PHF3: variants seen among roughly 807,000 people sequenced by gnomAD.
The protein encoded by PHF3 is PHD finger protein 3.
Under a neutral mutation model 178.4 loss-of-function variants are expected in PHF3, and 41 were observed. The observed-to-expected ratio is 0.23, with a 90% CI of 0.18 to 0.30. The LOEUF is 0.30. PHF3 is among the 10% of genes least tolerant of loss of function. The pLI is 1.00. For missense variants in PHF3, 2,346 were observed against 2,398.1 expected, an observed-to-expected ratio of 0.98 and a Z score of 0.45; for synonymous variants, 842 against 800.5, an observed-to-expected ratio of 1.05 and a Z score of -0.88.
intron 2 of PHF3, among the ~76,000 whole-genome samples, chr6:63,657,718 C>T (rs1460149358): frequency 6.6e-6 from 1 of 152,096 alleles, no homozygotes; most frequent in African/African-American, 2.4e-5. Flanking sequence ...CAGTTCAAAC[C>T]CATGTTGTTC....
At chr6:63,645,164 C>T (rs1216993635) in intron 1 of PHF3, among the ~76,000 whole-genome samples, 1 of 152,064 alleles carries the variant, frequency 6.6e-6, no homozygotes, top group Admixed American at 6.5e-5. Context: ...AGGCATGAGC[C>T]ACTGGGCCTG....
intron 14 of PHF3, among the ~76,000 whole-genome samples, chr6:63,709,449 C>G (rs937828276): frequency 6.6e-6 from 1 of 151,726 alleles, no homozygotes; most frequent in Non-Finnish European, 1.5e-5. Context: ...TCCTGGGATG[C>G]TCTCTTTGTG....
chr6:63,666,490 C>G (rs1167261736), intron 2 of PHF3, among the ~76,000 whole-genome samples: 1 of 151,348 alleles, frequency 6.6e-6, no homozygotes, highest in African/African-American at 2.4e-5. Flanking sequence ...ATTGTAGAGT[C>G]ATTCCGCGGT....
chr6:63,722,201 C>T lies in PHF3; in HGVS notation c.*8493C>T, dbSNP rs1232686699. ...TCTCTCCAACCTTACCTGGAATGTT[C>T]TCTTTCCCCATCCTTACACTCTCTT... On this transcript the variant is annotated 3_prime_UTR_variant, in exon 16 of 16. Coordinates refer to ENST00000262043, the MANE Select transcript of PHF3 (RefSeq NM_001370348.2). Among the ~76,000 whole-genome samples the T allele has an allele frequency of 6.6e-6, 1 of 152,134 alleles. No homozygotes were observed. Among genetic ancestry groups the T allele is most frequent in the Non-Finnish European group, 1.5e-5 (1 of 68,010 alleles).
At chr6:63,678,233 A>G (rs1484536567) in intron 2 of PHF3, among the ~76,000 whole-genome samples, 1 of 149,684 alleles carries the variant, frequency 6.7e-6, no homozygotes, top group African/African-American at 2.5e-5. Context: ...AAAAAAAAAG[A>G]AAAAAAAACA....
chr6:63,660,200 C>T (rs949292325), intron 2 of PHF3, among the ~76,000 whole-genome samples: 7 of 151,976 alleles, frequency 4.6e-5, no homozygotes, highest in African/African-American at 1.2e-4. Context: ...GAAAAATAGT[C>T]ATTGGCCAGT....
At chr6:63,703,697 A>G in intron 11 of PHF3, 26 bp downstream of exon 11, 3 of 1,580,332 alleles carry the variant, frequency 1.9e-6, no homozygotes, top group Non-Finnish European at 2.6e-6. Flanking sequence ...TCTTCGTAAA[A>G]TTTTGCATTC....
intron 1 of PHF3, among the ~76,000 whole-genome samples, chr6:63,645,867 C>T (rs933295783): frequency 3.3e-5 from 5 of 151,960 alleles, no homozygotes; most frequent in Non-Finnish European, 5.9e-5. Flanking sequence ...TTGTTTTTAT[C>T]CTATAAGGGG....
chr6:63,679,406 A>G (rs764486256), intron 2 of PHF3, among the ~76,000 whole-genome samples: 10 of 151,302 alleles, frequency 6.6e-5, no homozygotes, highest in Non-Finnish European at 8.8e-5. Context: ...AACATCTACT[A>G]TTTTCTCCAG....
intron 4 of PHF3, among the ~76,000 whole-genome samples, chr6:63,688,081 G>A (rs1244649575): frequency 2.0e-5 from 3 of 151,016 alleles, no homozygotes; most frequent in Non-Finnish European, 4.4e-5. Context: ...CTACTTGGGA[G>A]GCTGAGGCAG....
intron 3 of PHF3, among the ~76,000 whole-genome samples, chr6:63,682,150 T>C (rs544787398): frequency 6.6e-6 from 1 of 152,246 alleles, no homozygotes; most frequent in East Asian, 1.9e-4. Flanking sequence ...GAGAATAAGC[T>C]ACGAGTTTTG....
chr6:63,654,551 A>C (rs1166393450), intron 2 of PHF3, among the ~76,000 whole-genome samples: 1 of 152,218 alleles, frequency 6.6e-6, no homozygotes, highest in East Asian at 1.9e-4. Flanking sequence ...AGAGGTAAAC[A>C]CTTCATAGAA....
chr6:63,665,476 GTTTTTTTTTGTTTTTTTTT>G (rs1765638637), intron 2 of PHF3, among the ~76,000 whole-genome samples: 1 of 108,462 alleles, frequency 9.2e-6, no homozygotes, highest in South Asian at 2.9e-4. Flanking sequence ...TCGCTTTGTG[GTTTTTTTTTGTTTTTTTTT>G]TTTTTTTTTG....
At chr6:63,647,809 A>C (rs898968487) in intron 2 of PHF3, among the ~76,000 whole-genome samples, 22 of 152,206 alleles carry the variant, frequency 1.4e-4, no homozygotes, top group South Asian at 2.1e-4. Flanking sequence ...GAGTAAAATT[A>C]TAGGTAAAGG....
At position 63,715,482 on chromosome 6, in the gene PHF3, T is replaced by G. The variant is rs1035703559; in HGVS notation, c.*1774T>G. ...GTCAATAAATCTACCTTTACTGATA[T>G]ATCTGGTTGAGGGAATATCAGACTC... On this transcript the variant is annotated 3_prime_UTR_variant, in exon 16 of 16. Transcript: ENST00000262043. 6.6e-6 allele frequency: 1 copy of G among 152,192 alleles called. No individual in the cohort carries two copies. The highest frequency in any genetic ancestry group is 1.5e-5 in the Non-Finnish European group (1 of 68,022). 9.4% of individuals were successfully genotyped at this position (152,192 alleles called of 1,614,324 possible). A position where few individuals can be genotyped will look rare whatever the true frequency, so the allele number is the denominator to read the frequency against.
intron 1 of PHF3, among the ~76,000 whole-genome samples, chr6:63,639,467 G>A (rs924270717): frequency 2.0e-5 from 3 of 152,076 alleles, no homozygotes; most frequent in Admixed American, 1.3e-4. Context: ...GGGTGGCTAA[G>A]TGCATATTCC....
At chr6:63,669,597 T>C (rs1400801482) in intron 2 of PHF3, among the ~76,000 whole-genome samples, 1 of 152,214 alleles carries the variant, frequency 6.6e-6, no homozygotes, top group Non-Finnish European at 1.5e-5. Flanking sequence ...GGTGTGTATA[T>C]ATGTAAAACA....
In PHF3 at chr6:63,702,499, T is replaced by G; in HGVS notation, c.3100-9T>G. 6.4e-7 allele frequency: 1 copy of G among 1,555,434 alleles called. No homozygotes were observed. Among genetic ancestry groups the G allele is most frequent in the Middle Eastern group, 1.7e-4 (1 of 5,790 alleles). On this transcript the variant is annotated splice_polypyrimidine_tract_variant and intron_variant, in intron 9 of 15. Transcript: ENST00000262043. ...AATTTAATATTTTTAAAAAAGTATTTTCTGTTAGACCATAGAAATGATTGA... is the reference window on the plus strand; with the variant it reads ...AATTTAATATTTTTAAAAAAGTATTGTCTGTTAGACCATAGAAATGATTGA...
chr6:63,710,525 C>T (rs1280434973), intron 14 of PHF3, among the ~76,000 whole-genome samples: 1 of 152,138 alleles, frequency 6.6e-6, no homozygotes, highest in Non-Finnish European at 1.5e-5. Flanking sequence ...TGTTGTTGAA[C>T]ACTACCAAAT....
Sources: gnomAD v4.1 joint callset for allele counts (sites outside exome capture counted in the v4.1 genomes callset) on GRCh38, gnomAD v4.1.1 for gene constraint, MANE v1.5 for transcripts, NCBI Gene and HGNC (gene_info 2026-07-23, HGNC 2026-07-21) for gene names.